SREK1IP1: variants seen among roughly 807,000 people sequenced by gnomAD.
SREK1IP1 encodes the protein SREK1 interacting protein 1.
Under a neutral mutation model 22.8 loss-of-function variants are expected in SREK1IP1, and 12 were observed. The observed-to-expected ratio is 0.53, with a 90% confidence interval of 0.34 to 0.85. The LOEUF (loss-of-function observed/expected upper bound fraction) is 0.85, where lower values mean the gene tolerates loss of function less well. Among genes scored for constraint, SREK1IP1 ranks in the 40% least tolerant of loss-of-function variants. The probability of loss-of-function intolerance (pLI) is 0.02; values close to 1 mark genes in which losing one functional copy is unlikely to be tolerated. For synonymous variants in SREK1IP1, 53 were observed against 52.7 expected, an observed-to-expected ratio of 1.01 and a Z score of -0.02; for missense variants, 147 against 171.8, an observed-to-expected ratio of 0.86 and a Z score of 0.81.
At chr5:64,760,627 C>G (rs1742935656) in intron 1 of SREK1IP1, among the ~76,000 whole-genome samples, 1 of 152,138 alleles carries the variant, frequency 6.6e-6, no homozygotes, top group South Asian at 2.1e-4. Context: ...AGAAGCAGTC[C>G]AAGCCTCTGA....
chr5:64,738,563 C>G lies in SREK1IP1; in HGVS notation c.205+2494G>C, dbSNP rs181782265. On this transcript the variant is annotated intron_variant, in intron 3 of 4. Coordinates refer to ENST00000513458, the MANE Select transcript of SREK1IP1 (RefSeq NM_173829.4). The stretch of plus-strand genomic sequence containing the variant: ...AAGAAGAACAAAGCTGTAGGCATCA[C>G]ATTCCTTGATTTCAAAATATATTAC... 3.9e-5 allele frequency among the ~76,000 whole-genome samples: 6 copies of G among 152,258 alleles called. No homozygotes were observed. In the East Asian group the frequency reaches 1.2e-3, roughly 29 times the overall value.
At chr5:64,752,431 G>A (rs1335817580) in intron 2 of SREK1IP1, among the ~76,000 whole-genome samples, 5 of 152,062 alleles carry the variant, frequency 3.3e-5, no homozygotes, top group African/African-American at 7.2e-5. Context: ...GATTACAGGC[G>A]TGAGCCACCA....
rs1742095134 is a variant in SREK1IP1 at position 64,718,527 on chromosome 5, A to C, written c.*5857T>G. 6.6e-6 allele frequency: 1 copy of C among 152,288 alleles called. No homozygotes were observed. The highest frequency in any genetic ancestry group is 1.5e-5 in the Non-Finnish European group (1 of 68,106). The allele number at this position is 152,288 out of a possible 1,614,324, so 9.4% of individuals were successfully genotyped here. ...CAAACAATATACTCAGTAACAAAAA[A>C]ATCACAATGTATAATCTGTACAATA... On this transcript the variant is annotated 3_prime_UTR_variant, in exon 5 of 5. Transcript: ENST00000513458.
At position 64,768,685 on chromosome 5, in the gene SREK1IP1, A is replaced by G; in HGVS notation, c.-168T>C. Reference sequence around the variant, plus strand: ...GTACGCCTCTAGCGACGGCAGAACCAGTAGATGCGGATGCAGTTTCCGGAC... The same window carrying G: ...GTACGCCTCTAGCGACGGCAGAACCGGTAGATGCGGATGCAGTTTCCGGAC... On this transcript the variant is annotated 5_prime_UTR_variant, in exon 1 of 5. Coordinates refer to ENST00000513458, the MANE Select transcript of SREK1IP1 (RefSeq NM_173829.4). 1.2e-6 allele frequency: 1 copy of G among 806,188 alleles called. No homozygotes were observed. Among genetic ancestry groups the G allele is most frequent in the African/African-American group, 1.7e-5 (1 of 58,508 alleles). The allele number at this position is 806,188 out of a possible 1,614,324, so 49.9% of individuals were successfully genotyped here.
At chr5:64,725,272 T>TA (rs960487335) in intron 4 of SREK1IP1, among the ~76,000 whole-genome samples, 9 of 151,108 alleles carry the variant, frequency 6.0e-5, no homozygotes, top group South Asian at 2.1e-4. Flanking sequence ...CTAATATTCA[T>TA]AAAAAAAAGG....
At chr5:64,746,612 T>C (rs1742642432) in intron 2 of SREK1IP1, among the ~76,000 whole-genome samples, 1 of 152,112 alleles carries the variant, frequency 6.6e-6, no homozygotes, top group South Asian at 2.1e-4. Context: ...ATTAAAGAAA[T>C]GCAAATCAAA....
intron 2 of SREK1IP1, among the ~76,000 whole-genome samples, chr5:64,752,444 C>A (rs1335214895): frequency 6.6e-6 from 1 of 152,032 alleles, no homozygotes; most frequent in Non-Finnish European, 1.5e-5. Flanking sequence ...AGCCACCATG[C>A]CTGGCCTGTG....
rs958287328 is a variant in SREK1IP1, at chr5:64,720,535, T to A, written c.*3849A>T. 3.4e-5 allele frequency: 5 copies of A among 148,706 alleles called. No individual in the cohort carries two copies. Among genetic ancestry groups the A allele is most frequent in the African/African-American group, 1.3e-4 (5 of 39,546 alleles). The allele number at this position is 148,706 out of a possible 1,614,324, so 9.2% of individuals were successfully genotyped here. A position where few individuals can be genotyped will look rare whatever the true frequency, so the allele number is the denominator to read the frequency against. On this transcript the variant is annotated 3_prime_UTR_variant, in exon 5 of 5. Transcript: ENST00000513458. Reference sequence around the variant, plus strand: ...ATCTTTTTTTTTTTTTGAGATAGAGTCTCGCTCTGTCGCCCAGGCTGGAGT... The same window carrying A: ...ATCTTTTTTTTTTTTTGAGATAGAGACTCGCTCTGTCGCCCAGGCTGGAGT...
intron 3 of SREK1IP1, among the ~76,000 whole-genome samples, chr5:64,736,507 G>A (rs1052217971): frequency 6.6e-6 from 1 of 151,588 alleles, no homozygotes; most frequent in Non-Finnish European, 1.5e-5. Flanking sequence ...TGTTGCTCAG[G>A]CTGGAATGCA....
chr5:64,756,503 T>G (rs1159849556), intron 1 of SREK1IP1, among the ~76,000 whole-genome samples: 1 of 152,246 alleles, frequency 6.6e-6, no homozygotes, highest in African/African-American at 2.4e-5. Flanking sequence ...TTTTATTCCC[T>G]TTTATGGCTG....
rs1192157154 is a variant in SREK1IP1 at position 64,719,421 on chromosome 5, A to G, written c.*4963T>C. ...AATGACATTTTACACGGCCATAAAA[A>G]CAAAGAATTTTCACTTATTTTTTGT... On this transcript the variant is annotated 3_prime_UTR_variant, in exon 5 of 5. Coordinates refer to ENST00000513458, the MANE Select transcript of SREK1IP1 (RefSeq NM_173829.4). 1 of 152,222 alleles carries G rather than the reference A, an allele frequency of 6.6e-6. No individual in the cohort carries two copies. Among genetic ancestry groups the G allele is most frequent in the Non-Finnish European group, 1.5e-5 (1 of 68,044 alleles). The allele number at this position is 152,222 out of a possible 1,614,324, so 9.4% of individuals were successfully genotyped here. A position where few individuals can be genotyped will look rare whatever the true frequency, so the allele number is the denominator to read the frequency against.
rs376845624 is a variant in SREK1IP1, at chr5:64,743,222, AATGTTTAGAT to A, written c.62-2032_62-2023del. Among the ~76,000 whole-genome samples the A allele has an allele frequency of 3.7e-3, 570 of 152,338 alleles. 3 individuals carry two copies. Among genetic ancestry groups the A allele is most frequent in the African/African-American group, 0.012 (490 of 41,592 alleles). On this transcript the variant is annotated intron_variant, in intron 2 of 4. Coordinates refer to ENST00000513458, the MANE Select transcript of SREK1IP1 (RefSeq NM_173829.4). ...TAAGATAATAATACTGTTCCTTGTC[AATGTTTAGAT>A]ATGTTTAGACACACAAATACTTACT...
At chr5:64,726,161 G>A (rs1288914471) in intron 4 of SREK1IP1, among the ~76,000 whole-genome samples, 1 of 151,912 alleles carries the variant, frequency 6.6e-6, no homozygotes, top group Non-Finnish European at 1.5e-5. Context: ...GTGAGCCACC[G>A]TGCCTGGCCT....
At chr5:64,755,010 A>ATACC (rs1302870532) in intron 1 of SREK1IP1, among the ~76,000 whole-genome samples, 15 of 152,184 alleles carry the variant, frequency 9.9e-5, no homozygotes, top group African/African-American at 3.6e-4. Context: ...CCACAGTGAG[A>ATACC]TACCAACTCA....
intron 2 of SREK1IP1, among the ~76,000 whole-genome samples, chr5:64,749,109 AAAC>A (rs1742699052): frequency 6.9e-6 from 1 of 144,780 alleles, no homozygotes; most frequent in African/African-American, 2.5e-5. Context: ...ATAATAATAA[AAAC>A]CCTCCAGTTT....
At position 64,722,452 on chromosome 5, in the gene SREK1IP1, T is replaced by C. The variant is rs1320198192; in HGVS notation, c.*1932A>G. On this transcript the variant is annotated 3_prime_UTR_variant, in exon 5 of 5. Coordinates refer to ENST00000513458, the MANE Select transcript of SREK1IP1 (RefSeq NM_173829.4). ...TCATTGCCTTTGTAGCATTTTCTAATTATTTTTTAATATTTTATTTTACTG... is the reference window on the plus strand; with the variant it reads ...TCATTGCCTTTGTAGCATTTTCTAACTATTTTTTAATATTTTATTTTACTG... 6.6e-6 allele frequency: 1 copy of C among 152,246 alleles called. No homozygotes were observed. The highest frequency in any genetic ancestry group is 6.5e-5 in the Admixed American group (1 of 15,282). 9.4% of individuals were successfully genotyped at this position (152,246 alleles called of 1,614,324 possible). A position where few individuals can be genotyped will look rare whatever the true frequency, so the allele number is the denominator to read the frequency against.
rs1472198437 is a variant in SREK1IP1 at position 64,722,818 on chromosome 5, G to C, written c.*1566C>G. 6.6e-6 allele frequency: 1 copy of C among 152,192 alleles called. No homozygotes were observed. Among genetic ancestry groups the C allele is most frequent in the Non-Finnish European group, 1.5e-5 (1 of 68,024 alleles). 9.4% of individuals were successfully genotyped at this position (152,192 alleles called of 1,614,324 possible). ...TGGATACAGCTTCCCTAGAATTTAA[G>C]CATGGGTAAGCATATGTTAAGAGGA... is the stretch of plus-strand genomic sequence containing the variant. On this transcript the variant is annotated 3_prime_UTR_variant, in exon 5 of 5. Coordinates refer to ENST00000513458, the MANE Select transcript of SREK1IP1 (RefSeq NM_173829.4).
At position 64,721,936 on chromosome 5, in the gene SREK1IP1, C is replaced by T. The variant is rs1205665067; in HGVS notation, c.*2448G>A. On this transcript the variant is annotated 3_prime_UTR_variant, in exon 5 of 5. Transcript: ENST00000513458. ...TTTATAGACGAAAGACACCAAGGCC[C>T]AGGGAAACTAAGTGACTTTGTTCAA... The T allele has an allele frequency of 6.6e-6, 1 of 151,958 alleles. No individual in the cohort carries two copies. Among genetic ancestry groups the T allele is most frequent in the African/African-American group, 2.4e-5 (1 of 41,352 alleles). 9.4% of individuals were successfully genotyped at this position (151,958 alleles called of 1,614,324 possible).
intron 2 of SREK1IP1, among the ~76,000 whole-genome samples, chr5:64,742,531 T>C (rs1209651346): frequency 6.6e-6 from 1 of 152,218 alleles, no homozygotes; most frequent in East Asian, 1.9e-4. Context: ...CACTAATGAT[T>C]CACTACAAAT....
Sources: gnomAD v4.1 joint callset for allele counts (sites outside exome capture counted in the v4.1 genomes callset) on GRCh38, gnomAD v4.1.1 for gene constraint, MANE v1.5 for transcripts, NCBI Gene and HGNC (gene_info 2026-07-23, HGNC 2026-07-21) for gene names.